The following PLEKHA6 variants were observed in gnomAD, a reference collection of about 807,000 sequenced individuals.
The protein encoded by PLEKHA6 is pleckstrin homology domain-containing family A member 6.
A neutral mutation model predicts 116.7 loss-of-function variants in PLEKHA6; 60 were observed. The observed-to-expected ratio is 0.51, with a 90% CI of 0.42 to 0.64. The LOEUF is 0.64. Among genes scored for constraint, PLEKHA6 ranks in the 30% least tolerant of loss-of-function variants. The pLI is 0.00. For synonymous variants in PLEKHA6, 489 were observed against 556.1 expected (o/e 0.88, Z 1.70); for missense variants, 1,338 against 1,422.7 (o/e 0.94, Z 0.96).
chr1:204,244,498 A>G (rs2102590547), intron 15 of PLEKHA6, among the ~76,000 whole-genome samples: 3 of 152,174 alleles, frequency 2.0e-5, no homozygotes, highest in Admixed American at 2.0e-4. Flanking sequence ...CCCAGAAAAC[A>G]CTTGCTGATT....
chr1:204,281,554 C>T (rs983728884), intron 1 of PLEKHA6, among the ~76,000 whole-genome samples: 1 of 151,670 alleles, frequency 6.6e-6, no homozygotes, highest in African/African-American at 2.4e-5. Context: ...AGTAAGACCC[C>T]TGTCTCTAAA....
chr1:204,333,744 T>C (rs1385390450), intron 1 of PLEKHA6, among the ~76,000 whole-genome samples: 2 of 152,192 alleles, frequency 1.3e-5, no homozygotes, highest in African/African-American at 4.8e-5. Flanking sequence ...TCCTGCTCTC[T>C]GGGAGGAACC....
At chr1:204,305,703 C>T (rs1167508042) in intron 1 of PLEKHA6, among the ~76,000 whole-genome samples, 2 of 152,138 alleles carry the variant, frequency 1.3e-5, no homozygotes, top group Admixed American at 1.3e-4. Context: ...CATCTACCAA[C>T]TACATAAAGA....
At chr1:204,282,786 CTG>C in intron 1 of PLEKHA6, 2 of 985,398 alleles carry the variant, frequency 2.0e-6, no homozygotes, top group Non-Finnish European at 2.4e-6. Flanking sequence ...CCTCCTTGTG[CTG>C]TGTGCTCTTG....
rs3038282 is a variant in PLEKHA6, at chr1:204,348,714, ACC to A, written c.-95+10978_-95+10979del. ...TCCCAACTCAGCCCCCAGGTGCCAA[ACC>A]CCCCCCCCGCCATCTCCCCCACCCT... On this transcript the variant is annotated intron_variant, in intron 1 of 22. Coordinates refer to ENST00000272203, the MANE Select transcript of PLEKHA6 (RefSeq NM_014935.5). 1.2e-3 allele frequency among the ~76,000 whole-genome samples: 163 copies of A among 136,742 alleles called. 2 individuals carry two copies. The East Asian group carries it at 0.021, about 18-fold the overall frequency. The allele number at this position is 136,742 out of a possible 152,430, so 89.7% of individuals were successfully genotyped here. A position where few individuals can be genotyped will look rare whatever the true frequency, so the allele number is the denominator to read the frequency against.
At chr1:204,269,227 CT>C (rs1667176692) in intron 3 of PLEKHA6, among the ~76,000 whole-genome samples, 1 of 151,148 alleles carries the variant, frequency 6.6e-6, no homozygotes. Flanking sequence ...TCCCCAGCTC[CT>C]CAATTCTTGT....
At chr1:204,316,065 C>T (rs760455040) in intron 1 of PLEKHA6, among the ~76,000 whole-genome samples, 22 of 152,216 alleles carry the variant, frequency 1.4e-4, no homozygotes, top group Non-Finnish European at 2.6e-4. Context: ...GGGGGCCAGA[C>T]TGTGGAGTCC....
chr1:204,278,815 TCC>T (rs1468185419), intron 1 of PLEKHA6, among the ~76,000 whole-genome samples: 1 of 152,182 alleles, frequency 6.6e-6, no homozygotes, highest in Non-Finnish European at 1.5e-5. Context: ...GGCTTGAGGT[TCC>T]TGCCCATACA....
chr1:204,266,866 G>A (rs1666890098), intron 5 of PLEKHA6, among the ~76,000 whole-genome samples: 1 of 152,272 alleles, frequency 6.6e-6, no homozygotes, highest in African/African-American at 2.4e-5. Context: ...AACCCTTGCT[G>A]GTGCCCTCAG....
intron 18 of PLEKHA6, among the ~76,000 whole-genome samples, chr1:204,230,121 G>A (rs897735620): frequency 7.9e-5 from 12 of 152,226 alleles, no homozygotes; most frequent in Non-Finnish European, 1.8e-4. Context: ...ATTTCTGTGT[G>A]GTGAATTCTG....
At chr1:204,319,975 G>C (rs1229098532) in intron 1 of PLEKHA6, among the ~76,000 whole-genome samples, 1 of 152,132 alleles carries the variant, frequency 6.6e-6, no homozygotes, top group Non-Finnish European at 1.5e-5. Flanking sequence ...AATTCTAACA[G>C]GGACGAGTGG....
chr1:204,350,804 C>T (rs1183012295), intron 1 of PLEKHA6, among the ~76,000 whole-genome samples: 1 of 152,202 alleles, frequency 6.6e-6, no homozygotes, highest in Non-Finnish European at 1.5e-5. Context: ...CCCTAAACGT[C>T]CCATGAAGGC....
At chr1:204,283,819 G>C (rs1337709510) in intron 1 of PLEKHA6, among the ~76,000 whole-genome samples, 1 of 152,222 alleles carries the variant, frequency 6.6e-6, no homozygotes, top group East Asian at 1.9e-4. Flanking sequence ...ACAAACTTTA[G>C]TCTGACAACA....
rs1192344985 is a variant in PLEKHA6, at chr1:204,259,949, C to T, written c.525-209G>A. On this transcript the variant is annotated intron_variant, in intron 7 of 22. Transcript: ENST00000272203. The surrounding 1 kb of genome is among the most constrained non-coding windows in gnomAD (Gnocchi z 4.6). ...GAAATTATTATACAACCTAATCCGC[C>T]CCTGCCCACACCTGCTGTGTTAACT... Among the ~76,000 whole-genome samples, 1 of 152,118 alleles carries T rather than the reference C, an allele frequency of 6.6e-6. No individual in the cohort carries two copies. The highest frequency in any genetic ancestry group is 2.4e-5 in the African/African-American group (1 of 41,414).
intron 3 of PLEKHA6, among the ~76,000 whole-genome samples, chr1:204,365,535 A>G (rs1048873711): frequency 6.6e-6 from 1 of 152,204 alleles, no homozygotes; most frequent in African/African-American, 2.4e-5. Flanking sequence ...TATTTCTAGA[A>G]AAGATGGAAC....
chr1:204,304,212 T>C (rs1004167097), intron 1 of PLEKHA6, among the ~76,000 whole-genome samples: 4 of 152,276 alleles, frequency 2.6e-5, no homozygotes, highest in African/African-American at 9.6e-5. Context: ...ACTGTAGGAA[T>C]AAGAATGCGC....
At chr1:204,284,351 T>C (rs576811171) in intron 1 of PLEKHA6, among the ~76,000 whole-genome samples, 18 of 152,286 alleles carry the variant, frequency 1.2e-4, no homozygotes, top group Non-Finnish European at 2.4e-4. Flanking sequence ...GCTCAGCTGA[T>C]GTTCTCTCTC....
rs369718304 is a variant in PLEKHA6 at position 204,296,546 on chromosome 1, C to T, written c.-94-21737G>A. On this transcript the variant is annotated intron_variant, in intron 1 of 22. Transcript: ENST00000272203. ...CCACCTTCCCCAAAGGGCATTGCAGCGGCCCTCTAAGCTGCCAGAAGGGTG... is the reference window on the plus strand; with the variant it reads ...CCACCTTCCCCAAAGGGCATTGCAGTGGCCCTCTAAGCTGCCAGAAGGGTG... Among the ~76,000 whole-genome samples the T allele has an allele frequency of 1.8e-3, 280 of 152,350 alleles. 7 individuals are homozygous for T. In the South Asian group the frequency reaches 0.053, roughly 29 times the overall value.
intron 1 of PLEKHA6, chr1:204,282,574 C>T: frequency 7.8e-6 from 7 of 900,742 alleles, no homozygotes; most frequent in Non-Finnish European, 9.3e-6. Context: ...AGACTCCAGG[C>T]CAGCATCCTT....
Sources: allele counts gnomAD v4.1 joint callset (sites outside exome capture counted in the v4.1 genomes callset), GRCh38; gene constraint gnomAD v4.1.1; non-coding constraint Gnocchi (gnomAD v3.1); transcripts MANE v1.5; gene names NCBI Gene and HGNC (gene_info 2026-07-23, HGNC 2026-07-21).